Variants in RP1L1 observed in about 807,000 individuals in gnomAD.
The protein encoded by RP1L1 is retinitis pigmentosa 1-like 1 protein.
Under a neutral mutation model 15.7 loss-of-function variants are expected in RP1L1, and 27 were observed. The ratio of observed to expected loss-of-function variants is 1.72; its 90% CI spans 1.27 to 2.38. The LOEUF (loss-of-function observed/expected upper bound fraction) is 2.38, where lower values mean the gene tolerates loss of function less well. RP1L1 is among the 30% of genes most tolerant of loss of function. The pLI, the probability that RP1L1 is intolerant of heterozygous loss-of-function variation, is 0.00. For synonymous variants in RP1L1, 1,813 were observed against 1,276.7 expected, an observed-to-expected ratio of 1.42 and a Z score of -8.96; for missense variants, 4,798 against 3,075.9, an observed-to-expected ratio of 1.56 and a Z score of -13.24.
chr8:10,615,759 C>A (rs976627467), intron 3 of RP1L1, among the ~76,000 whole-genome samples: 1 of 152,098 alleles, frequency 6.6e-6, no homozygotes, highest in Non-Finnish European at 1.5e-5. Context: ...CTAGGCTTGT[C>A]TTGAACTCCT....
chr8:10,647,821 C>G (rs1187559526), intron 1 of RP1L1, among the ~76,000 whole-genome samples: 1 of 152,186 alleles, frequency 6.6e-6, no homozygotes, highest in Non-Finnish European at 1.5e-5. Flanking sequence ...AACAGCTTTT[C>G]AAGACCCTGT....
intron 1 of RP1L1, among the ~76,000 whole-genome samples, chr8:10,646,899 T>C (rs1052496538): frequency 1.3e-5 from 2 of 152,248 alleles, no homozygotes; most frequent in African/African-American, 4.8e-5. Flanking sequence ...TCTTAGGCAC[T>C]TGCAGTCACT....
chr8:10,629,651 A>G (rs1042883664), intron 1 of RP1L1, among the ~76,000 whole-genome samples: 7 of 152,278 alleles, frequency 4.6e-5, no homozygotes, highest in African/African-American at 1.4e-4. Context: ...AATGACTTAA[A>G]CCAGGTAGAG....
intron 1 of RP1L1, among the ~76,000 whole-genome samples, chr8:10,641,619 G>A (rs558976865): frequency 4.6e-5 from 7 of 152,324 alleles, no homozygotes; most frequent in East Asian, 1.9e-4. Flanking sequence ...CAATGTTATC[G>A]TAATGTAAAA....
At position 10,611,581 on chromosome 8, in the gene RP1L1, C is replaced by A; in HGVS notation, c.2517G>T (p.Arg839=). The part of the protein sequence containing the change: ...PGTQPAQEAQ[R]GPSPEASWLC... ...GCCAGCTAGCCTCAGGGGAGGGTCC[C>A]CGCTGGGCCTCTTGGGCCGGCTGCG... The change falls in exon 4 of 4, where the codon CGG becomes CGT. Residue 839 remains arginine, a synonymous_variant. Coordinates refer to ENST00000382483, the MANE Select transcript of RP1L1 (RefSeq NM_178857.6). 1 of 1,609,716 alleles carries A rather than the reference C, an allele frequency of 6.2e-7. No homozygotes were observed. The highest frequency in any genetic ancestry group is 8.5e-7 in the Non-Finnish European group (1 of 1,178,494).
chr8:10,617,406 A>G (rs1164092043), intron 2 of RP1L1, among the ~76,000 whole-genome samples: 1 of 113,402 alleles, frequency 8.8e-6, no homozygotes, highest in East Asian at 2.5e-4. Context: ...TAACAAAAAA[A>G]AAAAAAAAAA....
At chr8:10,631,337 A>G (rs1223317860) in intron 1 of RP1L1, among the ~76,000 whole-genome samples, 8 of 101,354 alleles carry the variant, frequency 7.9e-5, no homozygotes, top group South Asian at 4.4e-4. Flanking sequence ...ACACACATGC[A>G]CACACACGCA....
intron 2 of RP1L1, among the ~76,000 whole-genome samples, chr8:10,618,094 T>C (rs1378474738): frequency 6.6e-6 from 1 of 152,214 alleles, no homozygotes; most frequent in East Asian, 1.9e-4. Flanking sequence ...AGCATGTTCT[T>C]TTTCATTTTC....
rs756449748 is a variant in RP1L1, at chr8:10,613,138, G to A, written c.960C>T (p.Ser320=). The change falls in exon 4 of 4, where the codon AGC becomes AGT. Residue 320 remains serine, a synonymous_variant. Transcript: ENST00000382483. The part of the protein sequence containing the change: ...KKKVRMNEDG[S]LSVEMKVRFH... ...AGCGGACTTTCATCTCCACGGACAG[G>A]CTGCCGTCCTCATTCATGCGGACCT... 6.8e-6 allele frequency: 11 copies of A among 1,613,782 alleles called. No homozygotes were observed. The highest frequency in any genetic ancestry group is 9.3e-6 in the Non-Finnish European group (11 of 1,180,046).
At chr8:10,629,455 G>C (rs1042358991) in intron 1 of RP1L1, among the ~76,000 whole-genome samples, 3 of 152,178 alleles carry the variant, frequency 2.0e-5, no homozygotes, top group African/African-American at 7.2e-5. Flanking sequence ...GATTTCTTTG[G>C]GGTGGTCCTG....
chr8:10,616,081 A>AT (rs201740293), intron 3 of RP1L1, among the ~76,000 whole-genome samples: 4,228 of 147,978 alleles, frequency 0.029, 60 homozygotes, highest in Middle Eastern at 0.07. Context: ...ATTTTTTTGT[A>AT]TTTTTTTTTT....
Position 10,607,157 on chromosome 8 carries a change from G to A in RP1L1, c.6941C>T (p.Ser2314Leu). 1 of 1,614,246 alleles carries A rather than the reference G, an allele frequency of 6.2e-7. No homozygotes were observed. The highest frequency in any genetic ancestry group is 8.5e-7 in the Non-Finnish European group (1 of 1,180,046). The stretch of plus-strand genomic sequence containing the variant: ...GTCTCCAAGTACATGGTCATTTTCT[G>A]AGTCTTTCTGCCAGCAGTTGCCCCA... ...SSWGNCWQKD[S>L]ENDHVLGDTR... is the part of the protein sequence containing the mutation. Residue 2314 changes from serine to leucine, a missense_variant, in exon 4 of 4, where the codon TCA becomes TTA. Transcript: ENST00000382483.
At chr8:10,616,281 G>A (rs998475622) in intron 3 of RP1L1, among the ~76,000 whole-genome samples, 165 bp downstream of exon 3, 1 of 152,170 alleles carries the variant, frequency 6.6e-6, no homozygotes, top group Non-Finnish European at 1.5e-5. Flanking sequence ...AAGATTGACA[G>A]TACTGAGAAG....
intron 1 of RP1L1, among the ~76,000 whole-genome samples, chr8:10,648,100 C>T (rs925038507): frequency 2.0e-5 from 3 of 151,844 alleles, no homozygotes; most frequent in African/African-American, 7.3e-5. Context: ...GGCGCCATCT[C>T]GGCTCACTGC....
rs1213155231 is a variant in RP1L1 at position 10,607,301 on chromosome 8, G to C, written c.6797C>G (p.Ser2266Cys). 1 of 1,614,090 alleles carries C rather than the reference G, an allele frequency of 6.2e-7. No individual in the cohort carries two copies. Among genetic ancestry groups the C allele is most frequent in the African/African-American group, 1.3e-5 (1 of 74,924 alleles). Residue 2266 changes from serine to cysteine, a missense_variant, in exon 4 of 4, where the codon TCT becomes TGT. Ser to Cys is a moderately radical substitution (Grantham distance 112). Transcript: ENST00000382483. ...SLGDGQSEEA[S>C]ESSSPVPEDR... ...CTCAGGGACTGGGCTGCTGCTTTCA[G>C]AAGCCTCCTCAGATTGGCCATCTCC... is the stretch of plus-strand genomic sequence containing the variant.
rs772082748 is a variant in RP1L1, at chr8:10,608,800, A to G, written c.5298T>C (p.Asp1766=). The change falls in exon 4 of 4, where the codon GAT becomes GAC. Residue 1766 remains aspartate (D), a synonymous_variant. Coordinates refer to ENST00000382483, the MANE Select transcript of RP1L1 (RefSeq NM_178857.6). ...KDPKLGEAEG[D]AMAQEREGKT... is the part of the protein sequence containing the mutation. ...TCCCTTCTCTCTCCTGAGCCATTGC[A>G]TCTCCCTCTGCCTCCCCGAGTTTGG... The G allele has an allele frequency of 2.5e-6, 4 of 1,613,614 alleles. No individual in the cohort carries two copies. In the African/African-American group the frequency reaches 5.4e-5, roughly 22 times the overall value.
Position 10,631,344 on chromosome 8 carries a change from C to T in RP1L1, c.-19-8124G>A, listed in dbSNP as rs1345208017. ...ACACGCACACACACATGCACACACA[C>T]GCACACACATGCACACAAACACACA... On this transcript the variant is annotated intron_variant, in intron 1 of 3. Coordinates refer to ENST00000382483, the MANE Select transcript of RP1L1 (RefSeq NM_178857.6). 7.0e-4 allele frequency among the ~76,000 whole-genome samples: 41 copies of T among 58,280 alleles called. 1 individual carries two copies. Among genetic ancestry groups the T allele is most frequent in the African/African-American group, 1.5e-3 (36 of 24,046 alleles). The allele number at this position is 58,280 out of a possible 152,430, so 38.2% of individuals were successfully genotyped here.
chr8:10,617,836 G>GTGA (rs1288508466), intron 2 of RP1L1, among the ~76,000 whole-genome samples: 1 of 152,148 alleles, frequency 6.6e-6, no homozygotes, highest in Non-Finnish European at 1.5e-5. Context: ...GATTACAGGC[G>GTGA]TGAGCCACTG....
At chr8:10,623,749 G>A (rs1159870049) in intron 1 of RP1L1, among the ~76,000 whole-genome samples, 1 of 151,110 alleles carries the variant, frequency 6.6e-6, no homozygotes, top group Non-Finnish European at 1.5e-5. Flanking sequence ...TGCACTTACA[G>A]TCACCATGTC....
Sources: allele counts gnomAD v4.1 joint callset (sites outside exome capture counted in the v4.1 genomes callset), GRCh38; gene constraint gnomAD v4.1.1; transcripts MANE v1.5; gene names NCBI Gene and HGNC (gene_info 2026-07-23, HGNC 2026-07-21).